MKS1: variants seen among roughly 807,000 people sequenced by gnomAD.
MKS1 encodes tectonic-like complex member MKS1.
In MKS1, 70 loss-of-function variants were observed where a neutral mutation model predicts 83.7. The ratio of observed to expected loss-of-function variants is 0.84; its 90% CI spans 0.69 to 1.02. The LOEUF (loss-of-function observed/expected upper bound fraction) is 1.02. Ranked by LOEUF, MKS1 falls within the 50% of genes least tolerant of loss-of-function variation. MKS1 has a pLI of 0.00. For synonymous variants in MKS1, 251 were observed against 273.4 expected, an observed-to-expected ratio of 0.92 and a Z score of 0.81; for missense variants, 681 against 726.9, an observed-to-expected ratio of 0.94 and a Z score of 0.73.
intron 11 of MKS1, 77 bp downstream of exon 11, chr17:58,210,582 G>A: frequency 7.5e-7 from 1 of 1,330,704 alleles, no homozygotes; most frequent in Admixed American, 1.7e-5. Flanking sequence ...GCAGAGGAGT[G>A]GGAAAGGAAG....
At chr17:58,214,703 A>G in intron 5 of MKS1, 38 bp downstream of exon 5, 2 of 1,577,752 alleles carry the variant, frequency 1.3e-6, no homozygotes, top group African/African-American at 1.3e-5. Flanking sequence ...AGGAAATAAA[A>G]AGTAAAAGCT....
Position 58,210,696 on chromosome 17 carries a change from A to G in MKS1, c.987T>C (p.Asn329=), listed in dbSNP as rs1338417894. ...VVSAQGYEYD[N]LYVHFFVELP... The stretch of plus-strand genomic sequence containing the variant: ...ATTCTACAAAGAAGTGGACGTAGAG[A>G]TTGTCATACTCATAGCCTTGGGCTG... The change falls in exon 11 of 18, where the codon AAT becomes AAC. Residue 329 remains asparagine, a synonymous_variant. Transcript: ENST00000393119. 1 of 1,614,160 alleles carries G rather than the reference A, an allele frequency of 6.2e-7. No individual in the cohort carries two copies. The highest frequency in any genetic ancestry group is 8.5e-7 in the Non-Finnish European group (1 of 1,179,990).
At position 58,213,059 on chromosome 17, in the gene MKS1, A is replaced by G. The variant is rs1224092160; in HGVS notation, c.781T>C (p.Trp261Arg). Residue 261 changes from tryptophan to arginine, a missense_variant, in exon 8 of 18, where the codon TGG (tryptophan) becomes CGG (arginine). Coordinates refer to ENST00000393119, the MANE Select transcript of MKS1 (RefSeq NM_017777.4). The stretch of plus-strand genomic sequence containing the variant: ...GAAACATTGTCGATCGTATATTTCC[A>G]CAGCTCCTGCTTCTCCCCCTCCGTC... Reference protein sequence around the residue: ...IETEGEKQELWKYTIDNVSPH... With the variant: ...IETEGEKQELRKYTIDNVSPH... The G allele has an allele frequency of 6.2e-7, 1 of 1,614,074 alleles. No homozygotes were observed. The highest frequency in any genetic ancestry group is 8.5e-7 in the Non-Finnish European group (1 of 1,180,012).
At position 58,212,366 on chromosome 17, in the gene MKS1, C is replaced by A; in HGVS notation, c.915+12G>T. The stretch of plus-strand genomic sequence containing the variant: ...CACAGCTCACAGTGCTGCAGGAAGC[C>A]AAGCTACTCACCATCTCAAAGTCGG... On this transcript the variant is annotated intron_variant, in intron 9 of 17. Coordinates refer to ENST00000393119, the MANE Select transcript of MKS1 (RefSeq NM_017777.4). 1.9e-6 allele frequency: 3 copies of A among 1,614,168 alleles called. No homozygotes were observed. The highest frequency in any genetic ancestry group is 2.5e-6 in the Non-Finnish European group (3 of 1,180,008).
At chr17:58,214,920 G>A in intron 4 of MKS1, 82 bp from the exon 5 acceptor site, 3 of 1,530,852 alleles carry the variant, frequency 2.0e-6, no homozygotes, top group Non-Finnish European at 2.6e-6. Flanking sequence ...TCTTCCTCCT[G>A]AAACCTCATC....
rs1406421081 is a variant in MKS1, at chr17:58,213,000, T to C, written c.840A>G (p.Glu280=). The C allele has an allele frequency of 6.2e-7, 1 of 1,614,096 alleles. No individual in the cohort carries two copies. Among genetic ancestry groups the C allele is most frequent in the Non-Finnish European group, 8.5e-7 (1 of 1,179,986 alleles). The part of the protein sequence containing the change: ...PHAQPEEEER[E]RRVFKDLYGR... ...CGCTTACATCCTTGAACACTCGCCG[T>C]TCCCGCTCCTCCTCCTCCGGCTGTG... Residue 280 remains glutamate, a synonymous_variant, in exon 8 of 18, where the codon GAA becomes GAG. Coordinates refer to ENST00000393119, the MANE Select transcript of MKS1 (RefSeq NM_017777.4).
At chr17:58,218,794 G>A in intron 1 of MKS1, 65 bp from the exon 2 acceptor site, 1 of 1,399,330 alleles carries the variant, frequency 7.1e-7, no homozygotes, top group Non-Finnish European at 1.0e-6. Flanking sequence ...ACAAAGCAAG[G>A]ATGGGGGAAA....
intron 14 of MKS1, 69 bp from the exon 15 acceptor site, chr17:58,207,287 C>A (rs1023826519): frequency 3.7e-5 from 59 of 1,603,186 alleles, no homozygotes; most frequent in Non-Finnish European, 5.0e-5. Flanking sequence ...GACTCCCCAG[C>A]AATGACACAG....
In MKS1 at chr17:58,212,443, A is replaced by ACAAAC. The variant is rs765611381; in HGVS notation, c.859-14_859-10dup. ...TTGTGCCGGCCATAAAGCTGAGGAA[A>ACAAAC]CAAACCAAACCAAAACTCAAGATGC... On this transcript the variant is annotated splice_polypyrimidine_tract_variant and intron_variant, in intron 8 of 17. Coordinates refer to ENST00000393119, the MANE Select transcript of MKS1 (RefSeq NM_017777.4). 4.3e-6 allele frequency: 7 copies of ACAAAC among 1,614,212 alleles called. No homozygotes were observed. The highest frequency in any genetic ancestry group is 5.9e-6 in the Non-Finnish European group (7 of 1,180,040).
chr17:58,218,396 G>C (rs1323534603), intron 2 of MKS1, among the ~76,000 whole-genome samples: 6 of 141,976 alleles, frequency 4.2e-5, no homozygotes, highest in African/African-American at 7.9e-5. Context: ...TGCAGTGAGC[G>C]GAGATAGCGA....
At chr17:58,208,243 A>G (rs1234224962) in intron 12 of MKS1, 69 bp from the exon 13 acceptor site, 1 of 1,405,150 alleles carries the variant, frequency 7.1e-7, no homozygotes, top group Non-Finnish European at 1.0e-6. Flanking sequence ...GGCCAATGAC[A>G]AGGTTATCTT....
chr17:58,216,210 A>C lies in MKS1; in HGVS notation c.295T>G (p.Cys99Gly), dbSNP rs1170310363. The part of the protein sequence containing the change: ...EVDLYQNETA[C>G]QSPLDYQYRQ... ...TACTGATAATCCAAAGGACTCTGAC[A>C]GGCTGTTTCATTTTGGTACAGATCT... Residue 99 changes from cysteine (C) to glycine (G), a missense_variant, in exon 4 of 18, where the codon TGT (cysteine) becomes GGT (glycine). This residue lies in a region of MKS1 where 365 missense variants were observed against 383.8 expected (regional missense o/e 0.95). Transcript: ENST00000393119. 6.2e-7 allele frequency: 1 copy of C among 1,613,906 alleles called. No homozygotes were observed.
At position 58,214,156 on chromosome 17, in the gene MKS1, C is replaced by T. The variant is rs189845718; in HGVS notation, c.644+103G>A. 3,521 of 1,551,528 alleles carry T rather than the reference C, an allele frequency of 2.3e-3. 8 individuals are homozygous for T. The highest frequency in any genetic ancestry group is 2.9e-3 in the Non-Finnish European group (3,304 of 1,126,994). On this transcript the variant is annotated intron_variant, in intron 6 of 17. Transcript: ENST00000393119. ...ACTAAGAAGAGAAGGAAGAAAAAGTCCCTCCCTCCCCTATAACCTAGGATG... is the reference window on the plus strand; with the variant it reads ...ACTAAGAAGAGAAGGAAGAAAAAGTTCCTCCCTCCCCTATAACCTAGGATG...
At chr17:58,219,030 G>A in intron 1 of MKS1, 121 bp downstream of exon 1, 1 of 1,378,240 alleles carries the variant, frequency 7.3e-7, no homozygotes, top group Non-Finnish European at 9.8e-7. Context: ...AAGAAGTGGG[G>A]AGCCCGGAGA....
chr17:58,207,342 C>T, intron 14 of MKS1, 124 bp from the exon 15 acceptor site: 7 of 1,341,862 alleles, frequency 5.2e-6, no homozygotes, highest in South Asian at 1.2e-5. Context: ...GACCTGGCCT[C>T]TGGTGCAGGT....
chr17:58,216,087 C>T lies in MKS1; in HGVS notation c.417+1G>A, dbSNP rs756368560. The stretch of plus-strand genomic sequence containing the variant: ...CTATGAGACCCTAGAAAGAACAATA[C>T]CTCCTCCAAATTGGTGTATCTATCA... On this transcript the variant is annotated splice_donor_variant, in intron 4 of 17. Coordinates refer to ENST00000393119, the MANE Select transcript of MKS1 (RefSeq NM_017777.4). LOFTEE classifies it high-confidence loss of function. 6 of 1,614,158 alleles carry T rather than the reference C, an allele frequency of 3.7e-6. No individual in the cohort carries two copies. The highest frequency in any genetic ancestry group is 5.1e-6 in the Non-Finnish European group (6 of 1,180,008).
At chr17:58,207,626 G>A in intron 14 of MKS1, 1 of 575,302 alleles carries the variant, frequency 1.7e-6, no homozygotes, top group Non-Finnish European at 3.1e-6. Context: ...CATATGCTAT[G>A]AGCCAATTTT....
intron 6 of MKS1, 147 bp downstream of exon 6, chr17:58,214,112 G>C: frequency 8.0e-7 from 1 of 1,242,394 alleles, no homozygotes; most frequent in South Asian, 1.3e-5. Flanking sequence ...TGAGTTGGCA[G>C]TGAGAAGCTT....
In MKS1 at chr17:58,210,700, T is replaced by C. The variant is rs1211138175; in HGVS notation, c.983A>G (p.Asp328Gly). The stretch of plus-strand genomic sequence containing the variant: ...TACAAAGAAGTGGACGTAGAGATTG[T>C]CATACTCATAGCCTTGGGCTGAAAC... ...EVVSAQGYEY[D>G]NLYVHFFVEL... The change falls in exon 11 of 18, where the codon GAC (aspartate) becomes GGC (glycine). Residue 328 changes from aspartate (D) to glycine (G), a missense_variant. By Grantham distance (94) the Asp-to-Gly change is moderately conservative. Coordinates refer to ENST00000393119, the MANE Select transcript of MKS1 (RefSeq NM_017777.4). 2 of 1,614,128 alleles carry C rather than the reference T, an allele frequency of 1.2e-6. No homozygotes were observed. Among genetic ancestry groups the C allele is most frequent in the South Asian group, 1.1e-5 (1 of 91,088 alleles).
Sources: allele counts gnomAD v4.1 joint callset (sites outside exome capture counted in the v4.1 genomes callset), GRCh38; gene constraint gnomAD v4.1.1; regional missense constraint gnomAD v4.1.1; transcripts MANE v1.5; gene names NCBI Gene and HGNC (gene_info 2026-07-23, HGNC 2026-07-21).